Variants in PLAGL1 observed in about 807,000 individuals in gnomAD.
PLAGL1 encodes PLAG1 like zinc finger 1.
A neutral mutation model predicts 4.6 loss-of-function variants in PLAGL1; 1 was observed. The observed-to-expected ratio is 0.22, with a 90% CI of 0.08 to 1.03. The LOEUF (loss-of-function observed/expected upper bound fraction) is 1.03. Ranked by LOEUF, PLAGL1 falls within the 50% of genes least tolerant of loss-of-function variation. The pLI is 0.58. For missense variants in PLAGL1, 464 were observed against 570.4 expected (o/e 0.81, Z 1.90); for synonymous variants, 240 against 237.8 (o/e 1.01, Z -0.08).
rs1476547092 is a variant in PLAGL1, at chr6:143,959,865, C to T, written c.-325+604G>A. On this transcript the variant is annotated intron_variant, in intron 6 of 7. Coordinates refer to ENST00000674357, the MANE Select transcript of PLAGL1 (RefSeq NM_001317162.2). The surrounding 1 kb of genome is among the most constrained non-coding windows in gnomAD (Gnocchi z 5.3). The stretch of plus-strand genomic sequence containing the variant: ...ATAATGATGATGAACAGAGGTTGCT[C>T]CCAGGTGTTCTGAACTAAGCCAAGT... 6.6e-6 allele frequency among the ~76,000 whole-genome samples: 1 copy of T among 152,160 alleles called. No homozygotes were observed. The highest frequency in any genetic ancestry group is 2.4e-5 in the African/African-American group (1 of 41,434).
rs548175153 is a variant in PLAGL1, at chr6:143,973,298, C to T, written c.-543-4320G>A. ...CATTAGGCCCAGCCCAGACAAACAG[C>T]GACAGGTTTCCTTGAGACAAGGAGA... On this transcript the variant is annotated intron_variant, in intron 2 of 7. Transcript: ENST00000674357. The surrounding 1 kb of genome is among the most constrained non-coding windows in gnomAD (Gnocchi z 6.2). 3.9e-5 allele frequency among the ~76,000 whole-genome samples: 6 copies of T among 152,296 alleles called. No homozygotes were observed. The East Asian group carries it at 7.7e-4, about 20-fold the overall frequency.
At chr6:143,980,387 AGT>A (rs1491108468) in intron 2 of PLAGL1, among the ~76,000 whole-genome samples, 1 of 97,828 alleles carries the variant, frequency 1.0e-5, no homozygotes, top group African/African-American at 3.8e-5. Context: ...ACTTTTTTCT[AGT>A]TTTTTTTTTT....
intron 2 of PLAGL1, among the ~76,000 whole-genome samples, chr6:143,977,281 G>GA (rs772000526): frequency 8.6e-5 from 13 of 151,950 alleles, no homozygotes; most frequent in Non-Finnish European, 1.8e-4. Flanking sequence ...ATCATACAGA[G>GA]AAGTTTTGCC....
chr6:144,019,714 G>C (rs1320379624), intron 1 of PLAGL1, among the ~76,000 whole-genome samples: 2 of 151,774 alleles, frequency 1.3e-5, no homozygotes, highest in East Asian at 1.9e-4. Flanking sequence ...AATCTAAGTG[G>C]GGGGGTAGGG....
In PLAGL1 at chr6:143,945,040, T is replaced by C. The variant is rs1351849671; in HGVS notation, c.153-2377A>G. 1.3e-5 allele frequency among the ~76,000 whole-genome samples: 2 copies of C among 152,124 alleles called. No homozygotes were observed. Among genetic ancestry groups the C allele is most frequent in the Non-Finnish European group, 2.9e-5 (2 of 68,024 alleles). ...GTAGTACTTGAGCAAGACCACTGCCTTCCAGACTTCACTAGCTCCCACATT... is the reference window on the plus strand; with the variant it reads ...GTAGTACTTGAGCAAGACCACTGCCCTCCAGACTTCACTAGCTCCCACATT... On this transcript the variant is annotated intron_variant, in intron 7 of 7. Coordinates refer to ENST00000674357, the MANE Select transcript of PLAGL1 (RefSeq NM_001317162.2). The surrounding 1 kb of genome is among the most constrained non-coding windows in gnomAD (Gnocchi z 4.2).
At position 143,942,538 on chromosome 6, in the gene PLAGL1, C is replaced by G; in HGVS notation, c.278G>C (p.Cys93Ser). The change falls in exon 8 of 8, where the codon TGT becomes TCT. Residue 93 changes from cysteine to serine, a missense_variant. Transcript: ENST00000674357. This position sits in a 1 kb window ranked among gnomAD's most constrained non-coding sequence, Gnocchi z 7.6. ...GTTGTACTTCTTCCCACACTCCTCA[C>G]ACCCAAAGGCCATTTTGTTGGGGTC... Reference protein sequence around the residue: ...THDPNKMAFGCEECGKKYNTM... With the variant: ...THDPNKMAFGSEECGKKYNTM... The G allele has an allele frequency of 1.2e-6, 2 of 1,614,188 alleles. No individual in the cohort carries two copies. Among genetic ancestry groups the G allele is most frequent in the Non-Finnish European group, 1.7e-6 (2 of 1,180,032 alleles).
chr6:144,003,623 C>A (rs1364652774), intron 1 of PLAGL1, among the ~76,000 whole-genome samples: 834 of 117,934 alleles, frequency 7.1e-3, no homozygotes, highest in Non-Finnish European at 8.4e-3. Flanking sequence ...GACTCCATCT[C>A]AAAAAAAAAA....
rs1304504683 is a variant in PLAGL1, at chr6:143,953,508, C to T, written c.-324-5048G>A. ...TGCTACAGCTTTGGAACATCAAATC[C>T]ACATCCTAGCCAGAACATCTGAAAA... is the stretch of plus-strand genomic sequence containing the variant. On this transcript the variant is annotated intron_variant, in intron 6 of 7. Transcript: ENST00000674357. This position sits in a 1 kb window ranked among gnomAD's most constrained non-coding sequence, Gnocchi z 5.3. Among the ~76,000 whole-genome samples the T allele has an allele frequency of 6.6e-6, 1 of 152,182 alleles. No homozygotes were observed. Among genetic ancestry groups the T allele is most frequent in the Non-Finnish European group, 1.5e-5 (1 of 68,044 alleles).
At chr6:144,012,303 C>T (rs1795242729), upstream of PLAGL1, among the ~76,000 whole-genome samples, 1 of 152,094 alleles carries the variant, frequency 6.6e-6, no homozygotes, top group East Asian at 1.9e-4. The surrounding 1 kb of genome is among the most constrained non-coding windows in gnomAD (Gnocchi z 4.8). Context: ...CAACCTGCCT[C>T]CCGGGTTCAA....
Position 143,964,393 on chromosome 6 carries a change from C to A in PLAGL1, c.-399+394G>T, listed in dbSNP as rs967149673. On this transcript the variant is annotated intron_variant, in intron 5 of 7. Coordinates refer to ENST00000674357, the MANE Select transcript of PLAGL1 (RefSeq NM_001317162.2). The surrounding 1 kb of genome is among the most constrained non-coding windows in gnomAD (Gnocchi z 4.3). ...ACACTCCATGGGGGAAGGGGAAGCACCTAAATCTTACTGACATGAAATTTT... is the reference window on the plus strand; with the variant it reads ...ACACTCCATGGGGGAAGGGGAAGCAACTAAATCTTACTGACATGAAATTTT... 6.6e-5 allele frequency among the ~76,000 whole-genome samples: 10 copies of A among 152,166 alleles called. No homozygotes were observed.
rs1171018831 is a variant in PLAGL1 at position 144,048,389 on chromosome 6, C to T, written c.-151+16079G>A. Among the ~76,000 whole-genome samples, 1 of 152,220 alleles carries T rather than the reference C, an allele frequency of 6.6e-6. No individual in the cohort carries two copies. The highest frequency in any genetic ancestry group is 1.5e-5 in the Non-Finnish European group (1 of 68,038). Reference sequence around the variant, plus strand: ...TCCAACCCCACATTTTCCTCCTGGACTACGCTAGCAGAGGTTCTCCATGAG... The same window carrying T: ...TCCAACCCCACATTTTCCTCCTGGATTACGCTAGCAGAGGTTCTCCATGAG... On this transcript the variant is annotated intron_variant, in intron 1 of 3. Coordinates refer to the PLAGL1 transcript ENST00000437412. The surrounding 1 kb of genome is among the most constrained non-coding windows in gnomAD (Gnocchi z 4.8).
rs556474135 is a variant in PLAGL1, at chr6:144,048,034, G to A, written c.-151+16434C>T. Among the ~76,000 whole-genome samples, 23 of 152,164 alleles carry A rather than the reference G, an allele frequency of 1.5e-4. No homozygotes were observed. The South Asian group carries it at 4.6e-3, about 30-fold the overall frequency. On this transcript the variant is annotated intron_variant, in intron 1 of 3. Coordinates refer to the PLAGL1 transcript ENST00000437412. This position sits in a 1 kb window ranked among gnomAD's most constrained non-coding sequence, Gnocchi z 4.8. ...TGGGAGAAATTGGTCAAAACAAAAGGGCTACAGGCTCCATGCAAGTCCAAA... is the reference window on the plus strand; with the variant it reads ...TGGGAGAAATTGGTCAAAACAAAAGAGCTACAGGCTCCATGCAAGTCCAAA...
rs1305823571 is a variant in PLAGL1 at position 144,036,171 on chromosome 6, T to C, written c.-151+28297A>G. Among the ~76,000 whole-genome samples, 1 of 152,198 alleles carries C rather than the reference T, an allele frequency of 6.6e-6. No individual in the cohort carries two copies. The highest frequency in any genetic ancestry group is 1.5e-5 in the Non-Finnish European group (1 of 68,026). On this transcript the variant is annotated intron_variant, in intron 1 of 3. Transcript: ENST00000437412. This position sits in a 1 kb window ranked among gnomAD's most constrained non-coding sequence, Gnocchi z 5.1. Reference sequence around the variant, plus strand: ...GACTCCTTCCAATGCTCACTAATGCTTAGGGGCCTGAGGAGAAGTCTTTTA... The same window carrying C: ...GACTCCTTCCAATGCTCACTAATGCCTAGGGGCCTGAGGAGAAGTCTTTTA...
Position 143,942,029 on chromosome 6 carries a change from G to C in PLAGL1, c.787C>G (p.Leu263Val), listed in dbSNP as rs1323436607. The C allele has an allele frequency of 8.7e-6, 14 of 1,602,266 alleles. No individual in the cohort carries two copies. Among genetic ancestry groups the C allele is most frequent in the South Asian group, 1.1e-5 (1 of 88,722 alleles). The change falls in exon 8 of 8, where the codon CTC becomes GTC. Residue 263 changes from leucine (L) to valine (V), a missense_variant. By Grantham distance (32) the Leu-to-Val change is conservative. Around this residue, in one of 4 missense-constraint regions of PLAGL1, gnomAD observed 248 missense variants for 250.1 expected, o/e 0.99. Transcript: ENST00000674357. The surrounding 1 kb of genome is among the most constrained non-coding windows in gnomAD (Gnocchi z 7.6). The stretch of plus-strand genomic sequence containing the variant: ...GCTTGTTCTGGGGGACTGAGGGTGA[G>C]GCTATGGACCTCAGCTGGCAAGCTA... ...ASSLPAEVHS[L>V]TLSPPEQAAQ...
At chr6:143,981,303 T>G (rs1787897724) in intron 2 of PLAGL1, among the ~76,000 whole-genome samples, 1 of 152,280 alleles carries the variant, frequency 6.6e-6, no homozygotes, top group South Asian at 2.1e-4. Context: ...TGAGCTACTT[T>G]CTTCTTCCCA....
chr6:144,035,790 T>C (rs1011457671), intron 1 of PLAGL1, among the ~76,000 whole-genome samples: 4 of 152,208 alleles, frequency 2.6e-5, no homozygotes, highest in Admixed American at 2.6e-4. Flanking sequence ...ATACCTCATT[T>C]TTTTAATATG....
Position 144,022,064 on chromosome 6 carries a change from G to C in PLAGL1, c.-151+42404C>G, listed in dbSNP as rs1198913329. On this transcript the variant is annotated intron_variant, in intron 1 of 3. Coordinates refer to the PLAGL1 transcript ENST00000437412. This position sits in a 1 kb window ranked among gnomAD's most constrained non-coding sequence, Gnocchi z 4.2. ...GTTGCAGGGCTTTGAACCAGAGGCT[G>C]AGAATCACCAAAAGAATTTTTTAAA... Among the ~76,000 whole-genome samples the C allele has an allele frequency of 6.6e-6, 1 of 152,208 alleles. No individual in the cohort carries two copies. Among genetic ancestry groups the C allele is most frequent in the Non-Finnish European group, 1.5e-5 (1 of 68,036 alleles).
chr6:144,024,098 G>GAT (rs1349730865), intron 1 of PLAGL1, among the ~76,000 whole-genome samples: 1 of 152,022 alleles, frequency 6.6e-6, no homozygotes, highest in Non-Finnish European at 1.5e-5. Context: ...GATACATGTG[G>GAT]ATATATAAAT....
At position 143,983,540 on chromosome 6, in the gene PLAGL1, T is replaced by A. The variant is rs1164100502; in HGVS notation, c.-544+1595A>T. 1.3e-5 allele frequency among the ~76,000 whole-genome samples: 2 copies of A among 152,138 alleles called. No homozygotes were observed. Among genetic ancestry groups the A allele is most frequent in the Non-Finnish European group, 2.9e-5 (2 of 68,026 alleles). On this transcript the variant is annotated intron_variant, in intron 2 of 7. Transcript: ENST00000674357. The surrounding 1 kb of genome is among the most constrained non-coding windows in gnomAD (Gnocchi z 6.6). ...TTTAAATTGAGCATGGCTGGGTATCTTTCTCCAGCTACGTTCAGCTGCACT... is the reference window on the plus strand; with the variant it reads ...TTTAAATTGAGCATGGCTGGGTATCATTCTCCAGCTACGTTCAGCTGCACT...
Sources: allele counts gnomAD v4.1 joint callset (sites outside exome capture counted in the v4.1 genomes callset), GRCh38; gene constraint gnomAD v4.1.1; regional missense constraint gnomAD v4.1.1; non-coding constraint Gnocchi (gnomAD v3.1); transcripts MANE v1.5; gene names NCBI Gene and HGNC (gene_info 2026-07-23, HGNC 2026-07-21).